TCP11L1: variants seen among roughly 807,000 people sequenced by gnomAD.
The protein encoded by TCP11L1 is t-complex 11 like 1.
Under a neutral mutation model 48.9 loss-of-function variants are expected in TCP11L1, and 28 were observed. The observed-to-expected ratio is 0.57, with a 90% CI of 0.42 to 0.78. The LOEUF is 0.78. Among genes scored for constraint, TCP11L1 ranks in the 30% least tolerant of loss-of-function variants. TCP11L1 has a pLI of 0.00. For missense variants in TCP11L1, 505 were observed against 613.4 expected (o/e 0.82, Z 1.87); for synonymous variants, 204 against 231.9 (o/e 0.88, Z 1.09).
chr11:33,069,621 G>T (rs1212417637), intron 9 of TCP11L1, among the ~76,000 whole-genome samples: 2 of 152,010 alleles, frequency 1.3e-5, no homozygotes, highest in African/African-American at 2.4e-5. Flanking sequence ...TTGAGACAGG[G>T]TCTCACTCTG....
chr11:33,062,649 C>A (rs149852818), intron 7 of TCP11L1, among the ~76,000 whole-genome samples: 1 of 152,328 alleles, frequency 6.6e-6, no homozygotes, highest in East Asian at 1.9e-4. Flanking sequence ...GTCTTCCCAC[C>A]AAACACACCA....
chr11:33,042,350 T>C (rs1259605006), intron 1 of TCP11L1, among the ~76,000 whole-genome samples: 1 of 152,190 alleles, frequency 6.6e-6, no homozygotes, highest in Non-Finnish European at 1.5e-5. Flanking sequence ...CAGGATGGTC[T>C]CGATCTCTTG....
chr11:33,045,025 A>G (rs1033717), intron 2 of TCP11L1, among the ~76,000 whole-genome samples: 46,290 of 152,112 alleles, frequency 0.3, 7,305 homozygotes, highest in East Asian at 0.41. Context: ...TGTTACTACT[A>G]TTGCTACTAA....
chr11:33,068,938 G>T (rs1854699226), intron 9 of TCP11L1, 79 bp downstream of exon 9: 5 of 1,526,924 alleles, frequency 3.3e-6, no homozygotes, highest in Non-Finnish European at 3.5e-6. Flanking sequence ...AAACCTGAGG[G>T]CTCAGCTGGA....
chr11:33,046,669 A>G (rs1248886089), intron 2 of TCP11L1, among the ~76,000 whole-genome samples: 1 of 152,242 alleles, frequency 6.6e-6, no homozygotes, highest in East Asian at 1.9e-4. Context: ...GTACAGGGCT[A>G]TAAACCCAAA....
chr11:33,052,359 G>T (rs578094134), intron 2 of TCP11L1, among the ~76,000 whole-genome samples: 1 of 152,012 alleles, frequency 6.6e-6, no homozygotes, highest in Non-Finnish European at 1.5e-5. Flanking sequence ...CATATTCTTT[G>T]GAAATGCTGA....
At chr11:33,045,604 CTA>C (rs1853968057) in intron 2 of TCP11L1, among the ~76,000 whole-genome samples, 1 of 152,178 alleles carries the variant, frequency 6.6e-6, no homozygotes, top group Admixed American at 6.5e-5. Context: ...GCTTTACAAC[CTA>C]TAGTTTCTGC....
chr11:33,061,171 G>C (rs1450072430), intron 6 of TCP11L1, among the ~76,000 whole-genome samples: 1 of 151,838 alleles, frequency 6.6e-6, no homozygotes, highest in Non-Finnish European at 1.5e-5. Context: ...GCCCAGGCTG[G>C]TCTCGAACTC....
chr11:33,071,666 G>A (rs1854793769), intron 9 of TCP11L1, among the ~76,000 whole-genome samples: 1 of 152,206 alleles, frequency 6.6e-6, no homozygotes, highest in Admixed American at 6.5e-5. Flanking sequence ...AGCACGAGCT[G>A]CTTTCATGGA....
intron 1 of TCP11L1, chr11:33,040,502 T>C (rs1853798891): frequency 6.6e-6 from 1 of 152,222 alleles, no homozygotes. Context: ...TACAGTGACA[T>C]CACAGAGATG....
rs543825384 is a variant in TCP11L1, at chr11:33,061,647, G to A, written c.893G>A (p.Arg298Lys). 2.9e-5 allele frequency: 46 copies of A among 1,613,310 alleles called. No individual in the cohort carries two copies. In the South Asian group the frequency reaches 4.8e-4, roughly 17 times the overall value. Residue 298 changes from arginine to lysine, a missense_variant, in exon 7 of 10, where the codon AGG (arginine) becomes AAG (lysine). Physicochemically the swap from Arg to Lys is conservative, Grantham distance 26. Transcript: ENST00000334274. ...GCTGCTGGCTCTGGGGACATGCCCAGGCTGAGCCCTGTTGCTGTCCAGAAT... is the reference window on the plus strand; with the variant it reads ...GCTGCTGGCTCTGGGGACATGCCCAAGCTGAGCCCTGTTGCTGTCCAGAAT... ...GMAAGSGDMP[R>K]LSPVAVQNYA...
Position 33,068,730 on chromosome 11 carries a change from G to T in TCP11L1, c.1198G>T (p.Val400Leu), listed in dbSNP as rs1409084413. 1 of 1,613,998 alleles carries T rather than the reference G, an allele frequency of 6.2e-7. No individual in the cohort carries two copies. Among genetic ancestry groups the T allele is most frequent in the Admixed American group, 1.7e-5 (1 of 59,988 alleles). The change falls in exon 9 of 10, where the codon GTG becomes TTG. Residue 400 changes from valine (V) to leucine (L), a missense_variant. Physicochemically the swap from Val to Leu is conservative, Grantham distance 32. Around this residue, in one of 3 missense-constraint regions of TCP11L1, gnomAD observed 335 missense variants for 413.3 expected, o/e 0.81. Coordinates refer to ENST00000334274, the MANE Select transcript of TCP11L1 (RefSeq NM_018393.4). ...KDVLTTIGEKVCLEVSSCLSL... is the reference protein window; with the variant it reads ...KDVLTTIGEKLCLEVSSCLSL... ...CGTCCTCACTACCATCGGGGAGAAG[G>T]TGTGCCTGGAGGTGAGCAGCTGCCT...
intron 2 of TCP11L1, among the ~76,000 whole-genome samples, chr11:33,049,248 C>CA (rs3078634): frequency 0.083 from 10,602 of 127,618 alleles, 1,477 homozygotes; most frequent in African/African-American, 0.3. Context: ...GACTCCGTCT[C>CA]AAAAAAAAAA....
rs1365575202 is a variant in TCP11L1, at chr11:33,043,939, A to G, written c.163+3A>G. 3 of 1,585,338 alleles carry G rather than the reference A, an allele frequency of 1.9e-6. No individual in the cohort carries two copies. The African/African-American group carries it at 4.1e-5, about 22-fold the overall frequency. On this transcript the variant is annotated splice_donor_region_variant and intron_variant, in intron 2 of 9. Coordinates refer to ENST00000334274, the MANE Select transcript of TCP11L1 (RefSeq NM_018393.4). The stretch of plus-strand genomic sequence containing the variant: ...CCAAAGAGTGCAGAGACCTCACTGT[A>G]AGCAAATTTGACTTTGGTTAGATGC...
intron 7 of TCP11L1, among the ~76,000 whole-genome samples, chr11:33,064,523 G>A (rs1340421055): frequency 2.6e-5 from 4 of 152,232 alleles, no homozygotes; most frequent in Non-Finnish European, 4.4e-5. Context: ...TCAGCCACAC[G>A]GGTGGGGGCG....
intron 2 of TCP11L1, among the ~76,000 whole-genome samples, chr11:33,051,198 C>T (rs1346544245): frequency 1.3e-5 from 2 of 152,114 alleles, no homozygotes; most frequent in Non-Finnish European, 2.9e-5. Flanking sequence ...GACGGAGTCT[C>T]GCTCTGTCGC....
chr11:33,072,683 T>C lies in TCP11L1; in HGVS notation c.*7T>C. 3 of 1,614,088 alleles carry C rather than the reference T, an allele frequency of 1.9e-6. No homozygotes were observed. The highest frequency in any genetic ancestry group is 2.5e-6 in the Non-Finnish European group (3 of 1,179,966). On this transcript the variant is annotated 3_prime_UTR_variant, in exon 10 of 10. Transcript: ENST00000334274. Reference sequence around the variant, plus strand: ...GATCCTCGTCCGATCCTAACGTGTATGCACCCTACAGCAGCAGTATTACTC... The same window carrying C: ...GATCCTCGTCCGATCCTAACGTGTACGCACCCTACAGCAGCAGTATTACTC...
chr11:33,062,581 G>A (rs1200937834), intron 7 of TCP11L1, among the ~76,000 whole-genome samples: 3 of 152,026 alleles, frequency 2.0e-5, no homozygotes, highest in Admixed American at 6.6e-5. Context: ...CCACATTGTT[G>A]TGCAACCATT....
At chr11:33,045,689 A>G (rs1249994291) in intron 2 of TCP11L1, among the ~76,000 whole-genome samples, 1 of 152,216 alleles carries the variant, frequency 6.6e-6, no homozygotes, top group Non-Finnish European at 1.5e-5. Flanking sequence ...GGCCAGACCC[A>G]ACGTGGAGGT....
Sources: gnomAD v4.1 joint callset for allele counts (sites outside exome capture counted in the v4.1 genomes callset) on GRCh38, gnomAD v4.1.1 for gene constraint, gnomAD v4.1.1 regional missense constraint, MANE v1.5 for transcripts, NCBI Gene and HGNC (gene_info 2026-07-23, HGNC 2026-07-21) for gene names.